ARHGEF10L: variants seen among roughly 807,000 people sequenced by gnomAD.
ARHGEF10L encodes the protein Rho guanine nucleotide exchange factor 10 like, also known as rho guanine nucleotide exchange factor 10-like protein.
ARHGEF10L carries 69 observed loss-of-function variants against 141.2 expected under a neutral mutation model. That is an observed-to-expected ratio of 0.49 (90% confidence interval 0.40 to 0.60). The LOEUF is 0.60. Among genes scored for constraint, ARHGEF10L ranks in the 20% least tolerant of loss-of-function variants. ARHGEF10L has a pLI of 0.00. For missense variants in ARHGEF10L, 1,482 were observed against 1,734.3 expected (o/e 0.85, Z 2.58); for synonymous variants, 711 against 718.5 (o/e 0.99, Z 0.17).
rs535635763 is a variant in ARHGEF10L, at chr1:17,632,607, T to A, written c.1730+141T>A. On this transcript the variant is annotated intron_variant, in intron 16 of 28. Coordinates refer to ENST00000361221, the MANE Select transcript of ARHGEF10L (RefSeq NM_018125.4). Reference sequence around the variant, plus strand: ...GCTTCCAATATTCCTCTCCCATCCCTCTTGCCCTGCTCTGCCACTGGTCCC... The same window carrying A: ...GCTTCCAATATTCCTCTCCCATCCCACTTGCCCTGCTCTGCCACTGGTCCC... 238 of 1,140,294 alleles carry A rather than the reference T, an allele frequency of 2.1e-4. 3 individuals are homozygous for A. The South Asian group carries it at 3.1e-3, about 15-fold the overall frequency. 70.6% of individuals were successfully genotyped at this position (1,140,294 alleles called of 1,614,324 possible). A position where few individuals can be genotyped will look rare whatever the true frequency, so the allele number is the denominator to read the frequency against.
At chr1:17,659,484 GCCCT>G (rs1194125862) in intron 25 of ARHGEF10L, among the ~76,000 whole-genome samples, 5 of 152,144 alleles carry the variant, frequency 3.3e-5, no homozygotes, top group Non-Finnish European at 5.9e-5. Context: ...CATCAGCTTG[GCCCT>G]CATCCAGATT....
rs201573905 is a variant in ARHGEF10L at position 17,638,032 on chromosome 1, C to T, written c.2043+29C>T. 6 of 1,549,690 alleles carry T rather than the reference C, an allele frequency of 3.9e-6. No homozygotes were observed. The African/African-American group carries it at 6.8e-5, about 18-fold the overall frequency. On this transcript the variant is annotated intron_variant, in intron 19 of 28. Transcript: ENST00000361221. ...CGTGGCCTGGCCTGACCTTTTTGGC[C>T]TGAGCTCCCCAGTGTGGGCAGTGCC...
Position 17,549,560 on chromosome 1 carries a change from G to A in ARHGEF10L, c.-44+9610G>A, listed in dbSNP as rs537443037. Among the ~76,000 whole-genome samples the A allele has an allele frequency of 5.3e-5, 8 of 152,212 alleles. 1 individual carries two copies. The South Asian group carries it at 1.7e-3, about 32-fold the overall frequency. On this transcript the variant is annotated intron_variant, in intron 1 of 28. Coordinates refer to ENST00000361221, the MANE Select transcript of ARHGEF10L (RefSeq NM_018125.4). Reference sequence around the variant, plus strand: ...AGCCAGACCTGAATGACAAGCAGGAGCTCCCCCTGCAAGGATCTGAGGGAA... The same window carrying A: ...AGCCAGACCTGAATGACAAGCAGGAACTCCCCCTGCAAGGATCTGAGGGAA...
intron 1 of ARHGEF10L, among the ~76,000 whole-genome samples, chr1:17,551,519 T>C (rs562336025): frequency 6.6e-6 from 1 of 152,232 alleles, no homozygotes; most frequent in South Asian, 2.1e-4. Context: ...TCCATTGTAC[T>C]AGGGGCTTGT....
chr1:17,530,893 T>C, the ARHGEF10L span, among the ~76,000 whole-genome samples: 1 of 151,856 alleles, frequency 6.6e-6, no homozygotes, highest in Admixed American at 6.6e-5. Context: ...TAATCCCAGC[T>C]ACTTGGGAGG....
intron 22 of ARHGEF10L, among the ~76,000 whole-genome samples, chr1:17,650,932 C>T (rs1217851100): frequency 6.6e-6 from 1 of 152,062 alleles, no homozygotes; most frequent in African/African-American, 2.4e-5. Context: ...TAATGCAGTG[C>T]GTAAATATAA....
the ARHGEF10L span, among the ~76,000 whole-genome samples, chr1:17,524,386 C>T: frequency 6.7e-6 from 1 of 148,212 alleles, no homozygotes; most frequent in Non-Finnish European, 1.5e-5. Flanking sequence ...CACACACACA[C>T]ACACACACAC....
intron 2 of ARHGEF10L, 47 bp downstream of exon 2, chr1:17,580,679 G>A (rs775282625): frequency 1.2e-6 from 2 of 1,611,312 alleles, no homozygotes; most frequent in East Asian, 2.2e-5. Context: ...TCTTAGAAGG[G>A]GGCCGCTGGG....
chr1:17,678,369 T>C (rs1298580995), intron 26 of ARHGEF10L, among the ~76,000 whole-genome samples: 1 of 151,578 alleles, frequency 6.6e-6, no homozygotes, highest in African/African-American at 2.4e-5. Context: ...AGATGCTTTT[T>C]CTATTCCACT....
chr1:17,543,937 C>T lies in ARHGEF10L; in HGVS notation c.-44+3987C>T, dbSNP rs868091769. Reference sequence around the variant, plus strand: ...TGCTGGGATTACAGGCATGAGCCACCGCGCCTGGCTGCTATTATATATTTT... The same window carrying T: ...TGCTGGGATTACAGGCATGAGCCACTGCGCCTGGCTGCTATTATATATTTT... On this transcript the variant is annotated intron_variant, in intron 1 of 28. Transcript: ENST00000361221. 6.5e-4 allele frequency among the ~76,000 whole-genome samples: 92 copies of T among 141,934 alleles called. 2 individuals are homozygous for T. Among genetic ancestry groups the T allele is most frequent in the Non-Finnish European group, 1.8e-4 (12 of 64,932 alleles). The allele number at this position is 141,934 out of a possible 152,430, so 93.1% of individuals were successfully genotyped here. A position where few individuals can be genotyped will look rare whatever the true frequency, so the allele number is the denominator to read the frequency against.
intron 26 of ARHGEF10L, among the ~76,000 whole-genome samples, chr1:17,684,288 A>G (rs571858792): frequency 6.9e-4 from 105 of 152,348 alleles, no homozygotes; most frequent in African/African-American, 2.4e-3. Context: ...ATCATTCTGC[A>G]TGTTTCCTTG....
chr1:17,587,704 G>A (rs950669353), intron 3 of ARHGEF10L, 59 bp downstream of exon 3: 46 of 1,516,156 alleles, frequency 3.0e-5, no homozygotes, highest in Middle Eastern at 1.8e-4. Context: ...AGAACTGGGC[G>A]GAAGCTCCAG....
chr1:17,627,479 C>A lies in ARHGEF10L; in HGVS notation c.1560C>A (p.Val520=). 6.2e-7 allele frequency: 1 copy of A among 1,612,398 alleles called. No homozygotes were observed. Among genetic ancestry groups the A allele is most frequent in the South Asian group, 1.1e-5 (1 of 91,012 alleles). The part of the protein sequence containing the change: ...VAEIQQLTKS[V]SDRSSLNKLL... ...AGATCCAGCAGCTGACCAAGAGCGT[C>A]AGTGACCGCAGCAGCCTCAACAAGG... The change falls in exon 15 of 29, where the codon GTC becomes GTA. Residue 520 remains valine, a synonymous_variant. Coordinates refer to ENST00000361221, the MANE Select transcript of ARHGEF10L (RefSeq NM_018125.4). This position sits in a 1 kb window ranked among gnomAD's most constrained non-coding sequence, Gnocchi z 4.0.
chr1:17,633,227 C>T (rs191506318), intron 16 of ARHGEF10L, among the ~76,000 whole-genome samples: 1 of 152,360 alleles, frequency 6.6e-6, no homozygotes, highest in African/African-American at 2.4e-5. Flanking sequence ...CTGCTCGCAT[C>T]CCCTGCTTGG....
intron 7 of ARHGEF10L, among the ~76,000 whole-genome samples, chr1:17,610,790 C>T (rs1414639150): frequency 6.6e-6 from 1 of 152,210 alleles, no homozygotes; most frequent in South Asian, 2.1e-4. Flanking sequence ...ACTAATGGAA[C>T]CCCTTCTTCA....
chr1:17,693,855 CAAG>C (rs966217847), intron 27 of ARHGEF10L, among the ~76,000 whole-genome samples: 3 of 152,152 alleles, frequency 2.0e-5, no homozygotes, highest in African/African-American at 7.2e-5. Flanking sequence ...AGGATCAGGG[CAAG>C]AAGGAGACAG....
chr1:17,605,442 T>C (rs1045915388), intron 6 of ARHGEF10L, among the ~76,000 whole-genome samples: 3 of 152,138 alleles, frequency 2.0e-5, no homozygotes, highest in Non-Finnish European at 4.4e-5. Context: ...GCAGGAAGCA[T>C]GAGGGGACCC....
rs968292347 is a variant in ARHGEF10L at position 17,544,812 on chromosome 1, C to G, written c.-44+4862C>G. Reference sequence around the variant, plus strand: ...AAAGAGATTTAATGGACTCACAGTTCCACATGGCTGGGGAGGTCTCACAAT... The same window carrying G: ...AAAGAGATTTAATGGACTCACAGTTGCACATGGCTGGGGAGGTCTCACAAT... On this transcript the variant is annotated intron_variant, in intron 1 of 28. Transcript: ENST00000361221. 1.3e-5 allele frequency among the ~76,000 whole-genome samples: 2 copies of G among 152,202 alleles called. 1 individual carries two copies. The highest frequency in any genetic ancestry group is 4.2e-4 in the South Asian group (2 of 4,806).
At chr1:17,564,931 C>A (rs1474965805) in intron 1 of ARHGEF10L, among the ~76,000 whole-genome samples, 1 of 152,196 alleles carries the variant, frequency 6.6e-6, no homozygotes, top group African/African-American at 2.4e-5. Flanking sequence ...CATGAATGGG[C>A]CAGGTCAGCA....
Sources: allele counts gnomAD v4.1 joint callset (sites outside exome capture counted in the v4.1 genomes callset), GRCh38; gene constraint gnomAD v4.1.1; non-coding constraint Gnocchi (gnomAD v3.1); transcripts MANE v1.5; gene names NCBI Gene and HGNC (gene_info 2026-07-23, HGNC 2026-07-21).